ALDH1A2: variants seen among roughly 807,000 people sequenced by gnomAD.
ALDH1A2 encodes the protein retinal dehydrogenase 2.
In ALDH1A2, 27 loss-of-function variants were observed where a neutral mutation model predicts 60.3. The ratio of observed to expected loss-of-function variants is 0.45; its 90% CI spans 0.33 to 0.62. The LOEUF is 0.62. Ranked by LOEUF, ALDH1A2 falls within the 20% of genes least tolerant of loss-of-function variation. ALDH1A2 has a pLI of 0.02. For synonymous variants in ALDH1A2, 289 were observed against 232.4 expected (o/e 1.24, Z -2.21); for missense variants, 581 against 643.8 (o/e 0.90, Z 1.06).
chr15:57,980,990 T>G (rs147844001), intron 7 of ALDH1A2, among the ~76,000 whole-genome samples: 79 of 152,296 alleles, frequency 5.2e-4, no homozygotes, highest in African/African-American at 1.9e-3. Context: ...GTTCAGGGAT[T>G]CAACTTCTTC....
At chr15:57,995,217 C>CAAA (rs34068380) in intron 4 of ALDH1A2, 78 bp from the exon 5 acceptor site, 3,867 of 285,452 alleles carry the variant, frequency 0.014, 183 homozygotes, top group South Asian at 0.025. Context: ...TTGGTGGCTG[C>CAAA]AAAAAAAAAA....
chr15:58,020,880 T>C (rs1169098910), intron 1 of ALDH1A2, among the ~76,000 whole-genome samples: 1 of 152,180 alleles, frequency 6.6e-6, no homozygotes, highest in Non-Finnish European at 1.5e-5. Context: ...TATCAACATA[T>C]TCCTTAACTC....
chr15:58,006,137 A>C (rs1419406457), intron 4 of ALDH1A2, among the ~76,000 whole-genome samples: 1 of 151,764 alleles, frequency 6.6e-6, no homozygotes, highest in Admixed American at 6.6e-5. Flanking sequence ...TGGGTAGTGT[A>C]CACTGTACCC....
intron 4 of ALDH1A2, among the ~76,000 whole-genome samples, chr15:58,009,665 C>T (rs938920171): frequency 6.6e-6 from 1 of 151,612 alleles, no homozygotes; most frequent in Non-Finnish European, 1.5e-5. Context: ...CCATCCCTTT[C>T]CTATAAGGAT....
intron 4 of ALDH1A2, among the ~76,000 whole-genome samples, chr15:58,007,693 A>C (rs1199223366): frequency 6.6e-6 from 1 of 151,978 alleles, no homozygotes; most frequent in Non-Finnish European, 1.5e-5. Context: ...TTTCTTTATA[A>C]TTCCCAACAT....
intron 1 of ALDH1A2, among the ~76,000 whole-genome samples, chr15:58,023,547 C>G (rs755423353): frequency 3.3e-5 from 5 of 150,972 alleles, no homozygotes; most frequent in Admixed American, 6.6e-5. Context: ...ACAACAGCAA[C>G]AGAAAAGCAT....
intron 4 of ALDH1A2, 151 bp downstream of exon 4, chr15:58,010,498 T>G: frequency 3.5e-6 from 3 of 865,554 alleles, no homozygotes; most frequent in Non-Finnish European, 1.8e-6. Context: ...TCAGAGTCAG[T>G]GACATAATTT....
chr15:57,987,721 A>G (rs1162294569), intron 7 of ALDH1A2, among the ~76,000 whole-genome samples: 1 of 152,040 alleles, frequency 6.6e-6, no homozygotes, highest in African/African-American at 2.4e-5. Flanking sequence ...TCTGCTAAAA[A>G]TAAATACAAA....
At chr15:58,024,405 C>T (rs1372305920) in intron 1 of ALDH1A2, among the ~76,000 whole-genome samples, 1 of 152,086 alleles carries the variant, frequency 6.6e-6, no homozygotes, top group Non-Finnish European at 1.5e-5. Context: ...ATTCCACTCA[C>T]ATGGAAACCA....
Position 57,955,014 on chromosome 15 carries a change from C to A in ALDH1A2, c.*183G>T. On this transcript the variant is annotated 3_prime_UTR_variant, in exon 13 of 13. Coordinates refer to ENST00000249750, the MANE Select transcript of ALDH1A2 (RefSeq NM_003888.4). ...GATTAAGGTGGCCCCTTACAGAGTG[C>A]CAAGAAACTGTACCCAGCTGGTTTG... 1.4e-6 allele frequency: 1 copy of A among 700,520 alleles called. No individual in the cohort carries two copies. The highest frequency in any genetic ancestry group is 1.6e-5 in the South Asian group (1 of 62,172). The allele number at this position is 700,520 out of a possible 1,614,324, so 43.4% of individuals were successfully genotyped here.
chr15:58,031,954 T>C (rs1323598649), intron 1 of ALDH1A2, among the ~76,000 whole-genome samples: 5 of 152,206 alleles, frequency 3.3e-5, no homozygotes, highest in Admixed American at 6.5e-5. Flanking sequence ...TGGCGATTCC[T>C]CAGGGATCTA....
chr15:57,958,547 G>T (rs1893617016), intron 12 of ALDH1A2, among the ~76,000 whole-genome samples: 2 of 152,178 alleles, frequency 1.3e-5, no homozygotes, highest in African/African-American at 4.8e-5. Flanking sequence ...CAGCCCTCCT[G>T]GGAGTTTCCA....
At chr15:57,992,853 G>GAAAGCTGATGCATCATGTTA in intron 6 of ALDH1A2, 35 bp from the exon 7 acceptor site, 1 of 1,613,788 alleles carries the variant, frequency 6.2e-7, no homozygotes, top group South Asian at 1.1e-5. Context: ...CGTGGCTGAT[G>GAAAGCTGATGCATCATGTTA]AAAGCTGATG....
Position 57,955,109 on chromosome 15 carries a change from A to G in ALDH1A2, c.*88T>C, listed in dbSNP as rs538080957. ...AATCTTTAAGTAAGGACCGTGGCTCAACTTTGTATTCCTGAGAGCTGGGCC... is the reference window on the plus strand; with the variant it reads ...AATCTTTAAGTAAGGACCGTGGCTCGACTTTGTATTCCTGAGAGCTGGGCC... On this transcript the variant is annotated 3_prime_UTR_variant, in exon 13 of 13. Transcript: ENST00000249750. 10 of 1,380,138 alleles carry G rather than the reference A, an allele frequency of 7.2e-6. No individual in the cohort carries two copies. In the Admixed American group the frequency reaches 1.3e-4, roughly 18 times the overall value. 85.5% of individuals were successfully genotyped at this position (1,380,138 alleles called of 1,614,324 possible).
chr15:57,982,422 G>C (rs1406457385), intron 7 of ALDH1A2, among the ~76,000 whole-genome samples: 4 of 152,084 alleles, frequency 2.6e-5, no homozygotes, highest in African/African-American at 9.7e-5. Context: ...TCCTTTAGTT[G>C]GTTTAGAGAG....
chr15:57,990,972 A>ATACTT (rs1455814040), intron 7 of ALDH1A2, among the ~76,000 whole-genome samples: 2 of 152,114 alleles, frequency 1.3e-5, no homozygotes, highest in African/African-American at 2.4e-5. Context: ...GCAGAAAAAG[A>ATACTT]TACTTTAAAT....
rs544696032 is a variant in ALDH1A2, at chr15:58,028,307, A to G, written c.118-14026T>C. 8.4e-4 allele frequency among the ~76,000 whole-genome samples: 128 copies of G among 152,352 alleles called. No homozygotes were observed. In the Middle Eastern group the frequency reaches 0.014, roughly 16 times the overall value. On this transcript the variant is annotated intron_variant, in intron 1 of 12. Coordinates refer to ENST00000249750, the MANE Select transcript of ALDH1A2 (RefSeq NM_003888.4). ...TTCCCATCCAGCCAAACTAAGCTTC[A>G]TAAGTGAAGGAGAAATAAAATCCTT...
At chr15:58,035,154 A>C (rs1238470902) in intron 1 of ALDH1A2, among the ~76,000 whole-genome samples, 1 of 151,694 alleles carries the variant, frequency 6.6e-6, no homozygotes, top group Non-Finnish European at 1.5e-5. Context: ...GCCTATTCAT[A>C]CATATTTCTC....
intron 1 of ALDH1A2, among the ~76,000 whole-genome samples, chr15:58,019,582 G>A (rs1219981355): frequency 6.6e-6 from 1 of 152,116 alleles, no homozygotes; most frequent in Non-Finnish European, 1.5e-5. Flanking sequence ...TGTAACCGAA[G>A]GTAAAAAGAA....
Sources: gnomAD v4.1 joint callset for allele counts (sites outside exome capture counted in the v4.1 genomes callset) on GRCh38, gnomAD v4.1.1 for gene constraint, MANE v1.5 for transcripts, NCBI Gene and HGNC (gene_info 2026-07-23, HGNC 2026-07-21) for gene names.